PSD3: variants seen among roughly 807,000 people sequenced by gnomAD.
PSD3 encodes pleckstrin and Sec7 domain containing 3.
PSD3 carries 49 observed loss-of-function variants against 105.5 expected under a neutral mutation model. The observed-to-expected ratio is 0.46, with a 90% CI of 0.37 to 0.59. PSD3 has a LOEUF of 0.59. Among genes scored for constraint, PSD3 ranks in the 20% least tolerant of loss-of-function variants. The pLI is 0.00. For missense variants in PSD3, 1,561 were observed against 1,263.8 expected (o/e 1.24, Z -3.57); for synonymous variants, 557 against 457.8 (o/e 1.22, Z -2.77).
intron 1 of PSD3, among the ~76,000 whole-genome samples, chr8:18,953,072 T>C (rs1004425917): frequency 6.6e-6 from 1 of 152,072 alleles, no homozygotes; most frequent in Non-Finnish European, 1.5e-5. Flanking sequence ...AAACAGACCA[T>C]TTAAGAAACA....
intron 9 of PSD3, among the ~76,000 whole-genome samples, chr8:18,742,985 G>C (rs557065441): frequency 4.2e-4 from 64 of 152,280 alleles, no homozygotes; most frequent in African/African-American, 1.5e-3. Context: ...CCAATGTGAG[G>C]GACAAGTCAT....
intron 2 of PSD3, among the ~76,000 whole-genome samples, chr8:18,893,830 T>A (rs1818971312): frequency 6.6e-6 from 1 of 152,272 alleles, no homozygotes; most frequent in East Asian, 1.9e-4. Context: ...CAGCTGCGGT[T>A]CTGCCACGGC....
intron 15 of PSD3, among the ~76,000 whole-genome samples, chr8:18,549,869 G>A (rs1800661872): frequency 6.6e-6 from 1 of 152,144 alleles, no homozygotes; most frequent in South Asian, 2.1e-4. Context: ...TGCTGTTAAT[G>A]TGTCATTCTC....
rs140085116 is a variant in PSD3 at position 19,075,552 on chromosome 8, C to G, written c.324+8654G>C. Among the ~76,000 whole-genome samples the G allele has an allele frequency of 5.1e-3, 770 of 152,326 alleles. 6 individuals are homozygous for G. The highest frequency in any genetic ancestry group is 0.018 in the African/African-American group (757 of 41,564). On this transcript the variant is annotated intron_variant, in intron 1 of 1. Coordinates refer to the PSD3 transcript ENST00000521475. ...AACTCAAATCCTCTTTACATTCTTT[C>G]AATTCACCAAGCTTTTTCCTCTTTC...
intron 9 of PSD3, among the ~76,000 whole-genome samples, chr8:18,764,183 A>G (rs1046200195): frequency 2.0e-5 from 3 of 152,344 alleles, no homozygotes; most frequent in South Asian, 2.1e-4. Flanking sequence ...CATTTCTGAC[A>G]TAAGTTGATA....
intron 9 of PSD3, among the ~76,000 whole-genome samples, chr8:18,736,660 G>A (rs571828826): frequency 6.7e-4 from 102 of 152,244 alleles, no homozygotes; most frequent in African/African-American, 2.3e-3. Context: ...CCCCAGAGCA[G>A]AATAGCATGT....
chr8:18,788,034 T>A (rs530851321), intron 8 of PSD3, among the ~76,000 whole-genome samples: 2 of 152,322 alleles, frequency 1.3e-5, no homozygotes, highest in Admixed American at 1.3e-4. Flanking sequence ...ACAACTGGGT[T>A]TGGCTATTTA....
chr8:18,752,538 T>A (rs28629342), intron 9 of PSD3, among the ~76,000 whole-genome samples: 20 of 34,374 alleles, frequency 5.8e-4, no homozygotes, highest in East Asian at 3.2e-3. Flanking sequence ...AATTATATAT[T>A]ATATATATTA....
At chr8:18,656,915 A>G (rs1808940137) in intron 9 of PSD3, among the ~76,000 whole-genome samples, 3 of 152,328 alleles carry the variant, frequency 2.0e-5, no homozygotes, top group African/African-American at 7.2e-5. Flanking sequence ...AGATGTTATA[A>G]GGAACACACA....
chr8:19,004,159 A>T (rs1826544417), intron 1 of PSD3, among the ~76,000 whole-genome samples: 1 of 152,024 alleles, frequency 6.6e-6, no homozygotes, highest in Non-Finnish European at 1.5e-5. Context: ...CTTTCAAGCA[A>T]TTCTCTGTCT....
At chr8:18,798,669 A>G (rs1810403978) in intron 8 of PSD3, among the ~76,000 whole-genome samples, 1 of 151,138 alleles carries the variant, frequency 6.6e-6, no homozygotes, top group South Asian at 2.1e-4. Context: ...ATACTTACTT[A>G]GAGCAAAAAT....
chr8:18,588,680 G>C (rs993087085), intron 12 of PSD3, among the ~76,000 whole-genome samples: 1 of 152,286 alleles, frequency 6.6e-6, no homozygotes, highest in African/African-American at 2.4e-5. Flanking sequence ...TAAATCCGGA[G>C]AAGCAACCTT....
At chr8:18,957,214 T>C (rs1328057872) in intron 1 of PSD3, among the ~76,000 whole-genome samples, 2 of 151,312 alleles carry the variant, frequency 1.3e-5, no homozygotes, top group East Asian at 3.9e-4. Flanking sequence ...CTACCAAAAA[T>C]ACAAAAATTA....
intron 2 of PSD3, among the ~76,000 whole-genome samples, chr8:18,930,408 C>A (rs1821663897): frequency 6.6e-6 from 1 of 152,172 alleles, no homozygotes; most frequent in African/African-American, 2.4e-5. Context: ...AATTCCTAAT[C>A]TGCTTAATTT....
Position 18,801,143 on chromosome 8 carries a change from C to A in PSD3, c.2023+127G>T. The stretch of plus-strand genomic sequence containing the variant: ...ATTAAATAGACTAGAATGAAGTAAA[C>A]AGAAGTGTTAATAGTTATCACTAGG... On this transcript the variant is annotated intron_variant, in intron 7 of 15. Transcript: ENST00000327040. 3 of 553,310 alleles carry A rather than the reference C, an allele frequency of 5.4e-6. No homozygotes were observed. The Admixed American group carries it at 1.1e-4, about 20-fold the overall frequency. 34.3% of individuals were successfully genotyped at this position (553,310 alleles called of 1,614,324 possible).
intron 9 of PSD3, among the ~76,000 whole-genome samples, chr8:18,723,325 C>T (rs12056418): frequency 0.033 from 5,085 of 152,274 alleles, 215 homozygotes; most frequent in East Asian, 0.16. Flanking sequence ...TAGGAATGAG[C>T]TGTCATGCAA....
intron 9 of PSD3, among the ~76,000 whole-genome samples, chr8:18,666,346 C>G (rs1370139460): frequency 6.6e-6 from 1 of 152,232 alleles, no homozygotes; most frequent in Non-Finnish European, 1.5e-5. Flanking sequence ...CCACCTCACC[C>G]AGCTGTGTAA....
intron 9 of PSD3, among the ~76,000 whole-genome samples, chr8:18,660,146 C>T (rs184404612): frequency 7.9e-5 from 12 of 152,130 alleles, no homozygotes; most frequent in African/African-American, 1.7e-4. Flanking sequence ...GGGGAACGTA[C>T]GTGGGTGGGC....
intron 9 of PSD3, among the ~76,000 whole-genome samples, chr8:18,705,500 C>T (rs55952246): frequency 0.051 from 6,741 of 133,304 alleles, 441 homozygotes; most frequent in African/African-American, 0.17. Context: ...CACTATACTT[C>T]AGCCTAGGTG....
Sources: gnomAD v4.1 joint callset for allele counts (sites outside exome capture counted in the v4.1 genomes callset) on GRCh38, gnomAD v4.1.1 for gene constraint, MANE v1.5 for transcripts, NCBI Gene and HGNC (gene_info 2026-07-23, HGNC 2026-07-21) for gene names.